The following MEOX2 variants were observed in gnomAD, a reference collection of about 807,000 sequenced individuals.
MEOX2 encodes homeobox protein MOX-2.
Under a neutral mutation model 27.0 loss-of-function variants are expected in MEOX2, and 11 were observed. The observed-to-expected ratio is 0.41, with a 90% CI of 0.26 to 0.68. The LOEUF is 0.68. MEOX2 is among the 30% of genes least tolerant of loss of function. MEOX2 has a pLI of 0.33. For missense variants in MEOX2, 436 were observed against 385.4 expected (o/e 1.13, Z -1.10); for synonymous variants, 189 against 155.4 (o/e 1.22, Z -1.61).
intron 1 of MEOX2, among the ~76,000 whole-genome samples, chr7:15,628,131 T>C (rs1358983190): frequency 6.6e-6 from 1 of 152,102 alleles, no homozygotes; most frequent in African/African-American, 2.4e-5. Context: ...GCATGGCTTA[T>C]GCAGGATCTT....
chr7:15,647,556 A>AAG (rs1346914703), intron 1 of MEOX2, among the ~76,000 whole-genome samples: 1 of 152,098 alleles, frequency 6.6e-6, no homozygotes, highest in East Asian at 1.9e-4. Context: ...ATTCTCAAGG[A>AAG]TAATGATCTA....
intron 2 of MEOX2, among the ~76,000 whole-genome samples, chr7:15,621,663 A>G (rs917374669): frequency 2.6e-5 from 4 of 152,212 alleles, no homozygotes; most frequent in African/African-American, 9.6e-5. Flanking sequence ...GGATATACTG[A>G]TCGGTGATAT....
intron 1 of MEOX2, among the ~76,000 whole-genome samples, chr7:15,638,998 C>T (rs765714911): frequency 3.3e-5 from 5 of 152,030 alleles, no homozygotes; most frequent in Non-Finnish European, 7.4e-5. Context: ...GGTAGATACC[C>T]GGTAGTGGAA....
At chr7:15,637,905 T>C (rs1781509344) in intron 1 of MEOX2, among the ~76,000 whole-genome samples, 1 of 152,062 alleles carries the variant, frequency 6.6e-6, no homozygotes, top group Non-Finnish European at 1.5e-5. Flanking sequence ...TGAGATATAG[T>C]ATCAATTCAA....
At chr7:15,679,281 A>G (rs1490269018) in intron 1 of MEOX2, 1 of 152,028 alleles carries the variant, frequency 6.6e-6, no homozygotes, top group African/African-American at 2.4e-5. Context: ...TATAGCTTCC[A>G]TGTCCTAGTT....
chr7:15,632,928 C>T (rs930626725), intron 1 of MEOX2, among the ~76,000 whole-genome samples: 1 of 151,914 alleles, frequency 6.6e-6, no homozygotes, highest in East Asian at 1.9e-4. Flanking sequence ...TAGCAAAGGA[C>T]TTCTCAAAGG....
intron 1 of MEOX2, among the ~76,000 whole-genome samples, chr7:15,665,070 C>T (rs1287700698): frequency 6.6e-6 from 1 of 151,880 alleles, no homozygotes; most frequent in East Asian, 1.9e-4. Context: ...CACACACACA[C>T]ACACACACAC....
chr7:15,625,848 G>T (rs1378496199), intron 2 of MEOX2, among the ~76,000 whole-genome samples: 4 of 152,118 alleles, frequency 2.6e-5, no homozygotes, highest in Non-Finnish European at 5.9e-5. Context: ...AAAAATGCAA[G>T]AAAGGGACCT....
intron 1 of MEOX2, among the ~76,000 whole-genome samples, chr7:15,665,514 G>A (rs1304399935): frequency 6.6e-6 from 1 of 152,132 alleles, no homozygotes; most frequent in African/African-American, 2.4e-5. Flanking sequence ...ATATATTAAT[G>A]TTAAGTTGAA....
intron 1 of MEOX2, among the ~76,000 whole-genome samples, chr7:15,635,904 T>C (rs1336568009): frequency 6.6e-6 from 1 of 152,014 alleles, no homozygotes; most frequent in Non-Finnish European, 1.5e-5. Flanking sequence ...TATCAGTGTA[T>C]GAAATTGTAT....
At chr7:15,624,584 G>A (rs1781269108) in intron 2 of MEOX2, among the ~76,000 whole-genome samples, 1 of 152,062 alleles carries the variant, frequency 6.6e-6, no homozygotes, top group African/African-American at 2.4e-5. Flanking sequence ...AGGATCCCAA[G>A]CTAGCCTATA....
At chr7:15,660,113 A>G (rs377187436) in intron 1 of MEOX2, among the ~76,000 whole-genome samples, 113 of 152,348 alleles carry the variant, frequency 7.4e-4, no homozygotes, top group African/African-American at 2.5e-3. Context: ...TGACTCCTGA[A>G]CTAGATCTTA....
chr7:15,666,014 C>T (rs552299452), intron 1 of MEOX2, among the ~76,000 whole-genome samples: 2 of 152,092 alleles, frequency 1.3e-5, no homozygotes, highest in South Asian at 4.1e-4. Flanking sequence ...ATTCTAGAAC[C>T]CCTTCCAATT....
chr7:15,622,283 G>A (rs1781233340), intron 2 of MEOX2, among the ~76,000 whole-genome samples: 1 of 152,034 alleles, frequency 6.6e-6, no homozygotes, highest in South Asian at 2.1e-4. Flanking sequence ...CTGTGTATAT[G>A]TGTGTGTATG....
chr7:15,639,531 C>A (rs963278880), intron 1 of MEOX2, among the ~76,000 whole-genome samples: 5 of 151,408 alleles, frequency 3.3e-5, no homozygotes, highest in Non-Finnish European at 7.4e-5. Flanking sequence ...CTTTTGAGGT[C>A]TTAATCTAAA....
chr7:15,645,630 T>A (rs1372050367), intron 1 of MEOX2, among the ~76,000 whole-genome samples: 1 of 152,152 alleles, frequency 6.6e-6, no homozygotes, highest in African/African-American at 2.4e-5. Context: ...AAAAACACCC[T>A]TGGTAGTTAT....
intron 1 of MEOX2, among the ~76,000 whole-genome samples, chr7:15,667,289 C>CAAAAAAAAAAAAAAAAAAAAAAAAAA (rs532691969): frequency 7.3e-5 from 3 of 40,980 alleles, no homozygotes; most frequent in South Asian, 2.8e-3. Context: ...GACTCTGTCT[C>CAAAAAAAAAAAAAAAAAAAAAAAAAA]AAAAAAAAAA....
Position 15,611,437 on chromosome 7 carries a change from A to G in MEOX2, c.*950T>C, listed in dbSNP as rs1429483533. On this transcript the variant is annotated 3_prime_UTR_variant, in exon 3 of 3. Coordinates refer to ENST00000262041, the MANE Select transcript of MEOX2 (RefSeq NM_005924.5). Reference sequence around the variant, plus strand: ...AATGTTTTCTTGTTAATTAAATCATATTCATACAGCTAATATTTTACAGAA... The same window carrying G: ...AATGTTTTCTTGTTAATTAAATCATGTTCATACAGCTAATATTTTACAGAA... 1 of 152,676 alleles carries G rather than the reference A, an allele frequency of 6.5e-6. No homozygotes were observed. The highest frequency in any genetic ancestry group is 2.4e-5 in the African/African-American group (1 of 41,476). 9.5% of individuals were successfully genotyped at this position (152,676 alleles called of 1,614,324 possible).
rs996340704 is a variant in MEOX2 at position 15,614,066 on chromosome 7, G to T, written c.691-1455C>A. Among the ~76,000 whole-genome samples the T allele has an allele frequency of 5.5e-4, 83 of 150,368 alleles. 1 individual carries two copies. Among genetic ancestry groups the T allele is most frequent in the African/African-American group, 2.0e-3 (82 of 41,176 alleles). Reference sequence around the variant, plus strand: ...TAAATTTATCTATTGTTTCTTTTATGACTAGTGTTTTGTGTTTTCTTTTTC... The same window carrying T: ...TAAATTTATCTATTGTTTCTTTTATTACTAGTGTTTTGTGTTTTCTTTTTC... On this transcript the variant is annotated intron_variant, in intron 2 of 2. Transcript: ENST00000262041.
Sources: gnomAD v4.1 joint callset for allele counts (sites outside exome capture counted in the v4.1 genomes callset) on GRCh38, gnomAD v4.1.1 for gene constraint, MANE v1.5 for transcripts, NCBI Gene and HGNC (gene_info 2026-07-23, HGNC 2026-07-21) for gene names.